The following PRKCE variants were observed in gnomAD, a reference collection of about 807,000 sequenced individuals.
PRKCE encodes protein kinase C epsilon type.
PRKCE carries 16 observed loss-of-function variants against 85.4 expected under a neutral mutation model. That is an observed-to-expected ratio of 0.19 (90% CI 0.13 to 0.28). PRKCE has a LOEUF of 0.28. Among genes scored for constraint, PRKCE ranks in the 10% least tolerant of loss-of-function variants. The probability of loss-of-function intolerance (pLI) is 1.00; values close to 1 mark genes in which losing one functional copy is unlikely to be tolerated. For missense variants in PRKCE, 573 were observed against 975.2 expected (o/e 0.59, Z 5.49); for synonymous variants, 388 against 371.5 (o/e 1.04, Z -0.51).
intron 14 of PRKCE, among the ~76,000 whole-genome samples, chr2:46,160,871 G>A (rs771550562): frequency 6.6e-6 from 1 of 152,140 alleles, no homozygotes; most frequent in Non-Finnish European, 1.5e-5. Flanking sequence ...GAGTGGGGGT[G>A]GGGGATAGTG....
chr2:46,124,958 G>A (rs936429641), intron 11 of PRKCE, among the ~76,000 whole-genome samples: 14 of 152,152 alleles, frequency 9.2e-5, no homozygotes, highest in African/African-American at 3.4e-4. Context: ...AAAAAGGGAT[G>A]GCCTATCTCA....
At chr2:45,709,654 C>T (rs1242541733) in intron 1 of PRKCE, among the ~76,000 whole-genome samples, 2 of 152,214 alleles carry the variant, frequency 1.3e-5, no homozygotes, top group Admixed American at 6.5e-5. Flanking sequence ...TTGACTTTCC[C>T]TGTGACCCTA....
chr2:45,910,961 G>A (rs1037957989), intron 2 of PRKCE, among the ~76,000 whole-genome samples: 1 of 152,182 alleles, frequency 6.6e-6, no homozygotes, highest in African/African-American at 2.4e-5. Flanking sequence ...GAGAATGGGA[G>A]ACTGGGGAAT....
intron 10 of PRKCE, among the ~76,000 whole-genome samples, chr2:46,066,166 G>A (rs538379128): frequency 8.5e-4 from 130 of 152,308 alleles, no homozygotes; most frequent in African/African-American, 1.9e-3. Context: ...GGGCTGTAGC[G>A]TGGTGAGATG....
chr2:45,843,214 G>T, intron 2 of PRKCE, 151 bp downstream of exon 2: 2 of 737,624 alleles, frequency 2.7e-6, no homozygotes, highest in Non-Finnish European at 4.5e-6. Context: ...AGATGCTTAC[G>T]CCTGTGTACC....
intron 1 of PRKCE, among the ~76,000 whole-genome samples, chr2:45,765,116 A>G (rs1012682291): frequency 1.3e-5 from 2 of 152,196 alleles, no homozygotes; most frequent in Non-Finnish European, 2.9e-5. Flanking sequence ...TCAAGTCTGG[A>G]TGGAGGAAAC....
At chr2:45,996,593 T>A (rs1184945463) in intron 6 of PRKCE, among the ~76,000 whole-genome samples, 1 of 123,268 alleles carries the variant, frequency 8.1e-6, no homozygotes, top group East Asian at 2.2e-4. Context: ...TTAGAATTAT[T>A]TGATTTTTTT....
intron 10 of PRKCE, among the ~76,000 whole-genome samples, chr2:46,046,447 G>A (rs974160761): frequency 3.3e-5 from 5 of 152,230 alleles, no homozygotes; most frequent in African/African-American, 7.2e-5. Flanking sequence ...TCCTGAAGTT[G>A]AATCTCTGGG....
At chr2:45,711,980 C>T (rs375678509) in intron 1 of PRKCE, among the ~76,000 whole-genome samples, 19 of 151,998 alleles carry the variant, frequency 1.3e-4, no homozygotes, top group African/African-American at 4.1e-4. Context: ...ACAAATACTC[C>T]TATTTCACTC....
chr2:46,086,503 A>G, intron 11 of PRKCE, 141 bp downstream of exon 11: 1 of 1,030,346 alleles, frequency 9.7e-7, no homozygotes, highest in African/African-American at 1.6e-5. Context: ...TGCTTACAGA[A>G]GACTTTTTTG....
intron 1 of PRKCE, among the ~76,000 whole-genome samples, chr2:45,671,393 C>T (rs1331190378): frequency 6.6e-6 from 1 of 152,196 alleles, no homozygotes; most frequent in Admixed American, 6.5e-5. Context: ...GGTATATAGT[C>T]TCCCAAACAC....
At chr2:46,106,908 A>T (rs1440349579) in intron 11 of PRKCE, among the ~76,000 whole-genome samples, 1 of 151,994 alleles carries the variant, frequency 6.6e-6, no homozygotes, top group Non-Finnish European at 1.5e-5. Flanking sequence ...TTTCTTCCCC[A>T]CCCTTCGATG....
At chr2:46,049,111 G>C (rs1708702544) in intron 10 of PRKCE, among the ~76,000 whole-genome samples, 1 of 152,204 alleles carries the variant, frequency 6.6e-6, no homozygotes, top group Admixed American at 6.5e-5. Context: ...TGAAAGGCAG[G>C]AAGGAGATAC....
intron 12 of PRKCE, among the ~76,000 whole-genome samples, chr2:46,149,715 TTATATATA>T (rs1489610997): frequency 5.0e-5 from 1 of 20,028 alleles, no homozygotes. Context: ...ATATGTATTT[TTATATATA>T]TGTATTTATA....
chr2:45,777,536 A>G (rs1218249312), intron 1 of PRKCE, among the ~76,000 whole-genome samples: 3 of 152,184 alleles, frequency 2.0e-5, no homozygotes, highest in African/African-American at 7.2e-5. Context: ...GGACTACAGG[A>G]CATAGCCATC....
chr2:45,838,746 G>T (rs1691105339), intron 1 of PRKCE, among the ~76,000 whole-genome samples: 1 of 152,124 alleles, frequency 6.6e-6, no homozygotes, highest in South Asian at 2.1e-4. Flanking sequence ...CCAAGTAGCT[G>T]GGACTACAGC....
chr2:45,836,788 A>T (rs886554929), intron 1 of PRKCE, among the ~76,000 whole-genome samples: 1 of 152,164 alleles, frequency 6.6e-6, no homozygotes, highest in Non-Finnish European at 1.5e-5. Flanking sequence ...ATTATCTAGG[A>T]CCTTACTGGT....
At chr2:46,049,016 A>T (rs1173080532) in intron 10 of PRKCE, among the ~76,000 whole-genome samples, 1 of 152,082 alleles carries the variant, frequency 6.6e-6, no homozygotes, top group Non-Finnish European at 1.5e-5. Context: ...TTTTATAAGC[A>T]ATTTAGTTAG....
At chr2:45,746,567 T>C (rs1247151841) in intron 1 of PRKCE, among the ~76,000 whole-genome samples, 1 of 152,220 alleles carries the variant, frequency 6.6e-6, no homozygotes, top group East Asian at 1.9e-4. Flanking sequence ...TCTTCCTAAG[T>C]TTCTACCTCA....
Sources: allele counts gnomAD v4.1 joint callset (sites outside exome capture counted in the v4.1 genomes callset), GRCh38; gene constraint gnomAD v4.1.1; transcripts MANE v1.5; gene names NCBI Gene and HGNC (gene_info 2026-07-23, HGNC 2026-07-21).